The following ECH1 variants were observed in gnomAD, a reference collection of about 807,000 sequenced individuals.
ECH1 encodes the protein enoyl-CoA hydratase 1.
Under a neutral mutation model 37.0 loss-of-function variants are expected in ECH1, and 30 were observed. That is an observed-to-expected ratio of 0.81 (90% confidence interval 0.61 to 1.10). The LOEUF (loss-of-function observed/expected upper bound fraction) is 1.10, where lower values mean the gene tolerates loss of function less well. Ranked by LOEUF, ECH1 falls within the 50% of genes least tolerant of loss-of-function variation. The pLI is 0.00. For synonymous variants in ECH1, 178 were observed against 176.0 expected, an observed-to-expected ratio of 1.01 and a Z score of -0.09; for missense variants, 456 against 441.6, an observed-to-expected ratio of 1.03 and a Z score of -0.29.
In ECH1 at chr19:38,816,349, G is replaced by A; in HGVS notation, c.666C>T (p.Val222=). The change falls in exon 8 of 10, where the codon GTC becomes GTT. Residue 222 remains valine, a synonymous_variant. Transcript: ENST00000221418. The part of the protein sequence containing the change: ...LPKVIGNQSL[V]NELAFTARKM... ...TGCGGGCGGTGAAGGCCAGCTCGTT[G>A]ACCAGGCTGCAAAGGCAAGCGTGCA... 3 of 1,613,926 alleles carry A rather than the reference G, an allele frequency of 1.9e-6. No individual in the cohort carries two copies. The highest frequency in any genetic ancestry group is 2.5e-6 in the Non-Finnish European group (3 of 1,180,004).
intron 3 of ECH1, chr19:38,823,167 C>G (rs1971689947): frequency 6.5e-6 from 1 of 154,048 alleles, no homozygotes; most frequent in African/African-American, 2.4e-5. Context: ...ACCCAAACAT[C>G]AGAAGGAACA....
In ECH1 at chr19:38,831,531, A is replaced by T. The variant is rs773571656; in HGVS notation, c.53-15T>A. On this transcript the variant is annotated splice_polypyrimidine_tract_variant and intron_variant, in intron 1 of 9. Transcript: ENST00000221418. ...GCCTGTCAGTCCTGGGGAGAAAGGA[A>T]CAGCCTTTGATGACCCCAGACTGCA... 6.2e-7 allele frequency: 1 copy of T among 1,608,574 alleles called. No homozygotes were observed. Among genetic ancestry groups the T allele is most frequent in the South Asian group, 1.1e-5 (1 of 90,588 alleles).
Position 38,816,286 on chromosome 19 carries a change from G to T in ECH1, c.729C>A (p.Val243=). The change falls in exon 8 of 10, where the codon GTC becomes GTA. Residue 243 remains valine, a splice_region_variant and synonymous_variant. Coordinates refer to ENST00000221418, the MANE Select transcript of ECH1 (RefSeq NM_001398.3). ...MADEALGSGL[V]SRVFPDKEVM... is the part of the protein sequence containing the mutation. ...AGCTACCACGGCCATGGCCCTACCT[G>T]ACCAGCCCACTGCCCAGGGCCTCGT... is the stretch of plus-strand genomic sequence containing the variant. 1 of 1,613,008 alleles carries T rather than the reference G, an allele frequency of 6.2e-7. No homozygotes were observed. The highest frequency in any genetic ancestry group is 1.1e-5 in the South Asian group (1 of 91,020).
At chr19:38,822,668 G>A (rs1417208074) in intron 3 of ECH1, among the ~76,000 whole-genome samples, 1 of 152,190 alleles carries the variant, frequency 6.6e-6, no homozygotes, top group Admixed American at 6.5e-5. Flanking sequence ...GGGACTTGGA[G>A]AAGTTTTGTG....
chr19:38,825,906 G>A (rs376445023), intron 3 of ECH1, among the ~76,000 whole-genome samples: 5 of 152,282 alleles, frequency 3.3e-5, no homozygotes, highest in East Asian at 1.9e-4. Context: ...GAGGGTGCCC[G>A]GGGCAAGCGC....
At chr19:38,830,926 A>C (rs1971809569) in intron 3 of ECH1, 152 bp downstream of exon 3, 1 of 665,982 alleles carries the variant, frequency 1.5e-6, no homozygotes, top group South Asian at 1.9e-5. Context: ...ACTGCACTCC[A>C]GCGTGGCAAC....
chr19:38,828,691 C>T (rs1396364817), intron 3 of ECH1, among the ~76,000 whole-genome samples: 1 of 152,164 alleles, frequency 6.6e-6, no homozygotes, highest in African/African-American at 2.4e-5. Flanking sequence ...TCTCGGCTCA[C>T]TGCAACCTCT....
chr19:38,831,214 C>T (rs369533389), intron 2 of ECH1, 48 bp from the exon 3 acceptor site: 1 of 1,610,800 alleles, frequency 6.2e-7, no homozygotes, highest in Non-Finnish European at 8.5e-7. Flanking sequence ...GAATACCCTG[C>T]CCTCATGTCC....
At chr19:38,816,632 C>A in intron 6 of ECH1, 109 bp from the exon 7 acceptor site, 1 of 1,301,718 alleles carries the variant, frequency 7.7e-7, no homozygotes, top group Non-Finnish European at 1.1e-6. Context: ...CCCACCTTCA[C>A]CCCAGTGACT....
intron 3 of ECH1, among the ~76,000 whole-genome samples, chr19:38,827,040 AGAGGGAGAAGGAGGGGAAGGAGGGGAAG>A (rs1439761421): frequency 7.4e-6 from 1 of 135,780 alleles, no homozygotes. Flanking sequence ...GACAGGGAGG[AGAGGGAGAAGGAGGGGAAGGAGGGGAAG>A]GAGGAAGGGA....
rs1971815473 is a variant in ECH1 at position 38,831,175 on chromosome 19, C to G, written c.261-9G>C. 1.2e-6 allele frequency: 2 copies of G among 1,614,134 alleles called. No homozygotes were observed. Among genetic ancestry groups the G allele is most frequent in the East Asian group, 4.5e-5 (2 of 44,880 alleles). The stretch of plus-strand genomic sequence containing the variant: ...AGCACTCTACCATCTCTCTGTGAAG[C>G]AACGAGTGAAGGGTTACAAATGGGG... On this transcript the variant is annotated splice_polypyrimidine_tract_variant and intron_variant, in intron 2 of 9. Transcript: ENST00000221418.
intron 3 of ECH1, among the ~76,000 whole-genome samples, chr19:38,820,830 T>A (rs1317272237): frequency 1.3e-5 from 2 of 152,188 alleles, no homozygotes; most frequent in Non-Finnish European, 2.9e-5. Context: ...TTCTCAGACA[T>A]GATCTCTATG....
intron 3 of ECH1, among the ~76,000 whole-genome samples, chr19:38,824,172 G>C (rs1243443393): frequency 6.6e-6 from 1 of 152,070 alleles, no homozygotes; most frequent in Middle Eastern, 3.2e-3. Flanking sequence ...CATTTTTGGG[G>C]CATAACATCT....
chr19:38,824,386 T>A (rs1458836140), intron 3 of ECH1, among the ~76,000 whole-genome samples: 1 of 152,164 alleles, frequency 6.6e-6, no homozygotes, highest in East Asian at 1.9e-4. Context: ...TGCAGTTTCT[T>A]GGGCAGGGGG....
At chr19:38,819,577 C>G (rs1323262127) in intron 3 of ECH1, among the ~76,000 whole-genome samples, 1 of 152,068 alleles carries the variant, frequency 6.6e-6, no homozygotes, top group Non-Finnish European at 1.5e-5. Context: ...GCCTGGCGCA[C>G]ACGAGCTGCT....
chr19:38,829,803 G>A (rs1448245193), intron 3 of ECH1, among the ~76,000 whole-genome samples: 2 of 150,206 alleles, frequency 1.3e-5, no homozygotes, highest in Admixed American at 6.7e-5. Flanking sequence ...GTGACAGAGC[G>A]ACTCTGTCTC....
chr19:38,815,799 C>A, intron 9 of ECH1, 58 bp downstream of exon 9: 1 of 1,613,140 alleles, frequency 6.2e-7, no homozygotes, highest in South Asian at 1.1e-5. Context: ...CACCCTGCAC[C>A]CTGGTTGGTC....
intron 3 of ECH1, chr19:38,818,074 T>C (rs1971605499): frequency 5.4e-6 from 2 of 370,408 alleles, no homozygotes; most frequent in Non-Finnish European, 7.5e-6. Context: ...CCGAGGCTGC[T>C]CTTGAACTCC....
At chr19:38,817,604 C>G in intron 3 of ECH1, 29 bp from the exon 4 acceptor site, 1 of 1,562,850 alleles carries the variant, frequency 6.4e-7, no homozygotes, top group Non-Finnish European at 8.7e-7. Context: ...GGAGCTCATC[C>G]AGGCTCCCAG....
Sources: allele counts gnomAD v4.1 joint callset (sites outside exome capture counted in the v4.1 genomes callset), GRCh38; gene constraint gnomAD v4.1.1; transcripts MANE v1.5; gene names NCBI Gene and HGNC (gene_info 2026-07-23, HGNC 2026-07-21).